The following CA8 variants were observed in gnomAD, a reference collection of about 807,000 sequenced individuals.
CA8 encodes the protein carbonic anhydrase-related protein.
A neutral mutation model predicts 41.4 loss-of-function variants in CA8; 22 were observed. That is an observed-to-expected ratio of 0.53 (90% CI 0.38 to 0.76). The LOEUF (loss-of-function observed/expected upper bound fraction) is 0.76. CA8 is among the 30% of genes least tolerant of loss of function. CA8 has a pLI of 0.00. For missense variants in CA8, 270 were observed against 352.8 expected (o/e 0.77, Z 1.88); for synonymous variants, 121 against 130.6 (o/e 0.93, Z 0.50).
chr8:60,198,597 G>A (rs556395666), intron 8 of CA8, among the ~76,000 whole-genome samples: 1 of 152,178 alleles, frequency 6.6e-6, no homozygotes, highest in South Asian at 2.1e-4. Flanking sequence ...CTGGTGTGTT[G>A]TAAGGGTGAT....
At chr8:60,198,150 G>T (rs1240624057) in intron 8 of CA8, among the ~76,000 whole-genome samples, 2 of 152,116 alleles carry the variant, frequency 1.3e-5, no homozygotes, top group Non-Finnish European at 2.9e-5. Flanking sequence ...TGGGAGTGGG[G>T]CCCACTTAGG....
rs1434430844 is a variant in CA8, at chr8:60,281,192, C to T, written c.-45G>A. On this transcript the variant is annotated 5_prime_UTR_variant, in exon 1 of 9. Transcript: ENST00000317995. ...TCGGCGCTCTCGGCAGCAGTGCCTG[C>T]GCCTTCGCTGGGCGCGGGGCTGGAG... The T allele has an allele frequency of 1.1e-5, 15 of 1,391,036 alleles. No homozygotes were observed. The highest frequency in any genetic ancestry group is 1.4e-5 in the Non-Finnish European group (14 of 1,009,912). 86.2% of individuals were successfully genotyped at this position (1,391,036 alleles called of 1,614,324 possible).
At chr8:60,214,858 G>GA (rs756079565) in intron 7 of CA8, among the ~76,000 whole-genome samples, 1 of 152,136 alleles carries the variant, frequency 6.6e-6, no homozygotes, top group Non-Finnish European at 1.5e-5. Flanking sequence ...TCCACAGGGT[G>GA]AAAAAACAAC....
Position 60,275,486 on chromosome 8 carries a change from T to A in CA8, c.292+4203A>T, listed in dbSNP as rs188132970. ...TTTTTTTAAAAAAAAAGGTTTTTAA[T>A]TGCAGCGTAAGTTCAATGTTTTAGA... On this transcript the variant is annotated intron_variant, in intron 2 of 8. Transcript: ENST00000317995. Among the ~76,000 whole-genome samples, 110 of 151,664 alleles carry A rather than the reference T, an allele frequency of 7.3e-4. 1 individual carries two copies. The highest frequency in any genetic ancestry group is 3.4e-3 in the Middle Eastern group (1 of 294).
At chr8:60,191,975 T>C (rs920903600) in intron 8 of CA8, among the ~76,000 whole-genome samples, 1 of 151,898 alleles carries the variant, frequency 6.6e-6, no homozygotes, top group African/African-American at 2.4e-5. Context: ...TGAATTCTAA[T>C]TTACCTACGT....
intron 8 of CA8, among the ~76,000 whole-genome samples, chr8:60,207,209 C>T (rs781304828): frequency 8.5e-5 from 13 of 152,240 alleles, no homozygotes; most frequent in Non-Finnish European, 1.5e-4. Context: ...TGCTCAATCA[C>T]TGTATTACTT....
chr8:60,278,403 T>C (rs1804308177), intron 2 of CA8, among the ~76,000 whole-genome samples: 2 of 152,252 alleles, frequency 1.3e-5, no homozygotes, highest in South Asian at 4.1e-4. Flanking sequence ...TATTTTTGTT[T>C]TGTGGATATA....
chr8:60,193,894 T>G lies in CA8; in HGVS notation c.*36-3909A>C, dbSNP rs529873230. On this transcript the variant is annotated intron_variant, in intron 8 of 8. Transcript: ENST00000317995. ...CCTGATTCCTCTCCTCCACTTTCTG[T>G]GTTCTCTCTCTAGCTTATTACGTGG... Among the ~76,000 whole-genome samples, 13 of 152,304 alleles carry G rather than the reference T, an allele frequency of 8.5e-5. 1 individual carries two copies. The East Asian group carries it at 2.1e-3, about 25-fold the overall frequency.
chr8:60,218,722 C>T (rs1351347564), intron 7 of CA8, among the ~76,000 whole-genome samples: 1 of 151,990 alleles, frequency 6.6e-6, no homozygotes, highest in Non-Finnish European at 1.5e-5. Context: ...GCAACAACAA[C>T]AAAAAAATGT....
At chr8:60,238,984 G>A (rs1807927512) in intron 3 of CA8, among the ~76,000 whole-genome samples, 1 of 152,194 alleles carries the variant, frequency 6.6e-6, no homozygotes, top group East Asian at 1.9e-4. Context: ...AGTGGGAAGG[G>A]AGAAAGAGAC....
intron 2 of CA8, among the ~76,000 whole-genome samples, chr8:60,277,770 A>AG (rs1171066797): frequency 5.3e-5 from 8 of 152,212 alleles, no homozygotes; most frequent in Non-Finnish European, 8.8e-5. Flanking sequence ...TAAATATCCT[A>AG]GGGGAAAAAA....
chr8:60,202,549 T>C (rs1337253969), intron 8 of CA8, among the ~76,000 whole-genome samples: 1 of 152,194 alleles, frequency 6.6e-6, no homozygotes, highest in Non-Finnish European at 1.5e-5. Context: ...AACTCAAGTA[T>C]AAAATTTAAA....
chr8:60,226,556 AG>A (rs1320636810), intron 5 of CA8, among the ~76,000 whole-genome samples: 1 of 152,196 alleles, frequency 6.6e-6, no homozygotes, highest in Non-Finnish European at 1.5e-5. Context: ...CACTAAGGCT[AG>A]AGTGAGCTTC....
chr8:60,202,016 T>C (rs1806446515), intron 8 of CA8, among the ~76,000 whole-genome samples: 1 of 152,024 alleles, frequency 6.6e-6, no homozygotes, highest in African/African-American at 2.4e-5. Context: ...TTTATGTACT[T>C]TGGGAAGACA....
At chr8:60,213,034 CAGAG>C (rs1806891715) in intron 7 of CA8, among the ~76,000 whole-genome samples, 1 of 152,172 alleles carries the variant, frequency 6.6e-6, no homozygotes, top group South Asian at 2.1e-4. Context: ...CAGATATAGA[CAGAG>C]AGGACTCTCC....
intron 3 of CA8, among the ~76,000 whole-genome samples, chr8:60,247,252 T>C (rs998875646): frequency 2.6e-5 from 4 of 152,198 alleles, no homozygotes; most frequent in Non-Finnish European, 4.4e-5. Flanking sequence ...GGGATACATA[T>C]GCAGAATGTG....
intron 8 of CA8, among the ~76,000 whole-genome samples, chr8:60,200,665 A>G (rs1217202147): frequency 2.0e-5 from 3 of 152,188 alleles, no homozygotes; most frequent in Non-Finnish European, 1.5e-5. Flanking sequence ...AAGACTTCAT[A>G]TAAATAGCTC....
At chr8:60,276,399 C>CG (rs1563387281) in intron 2 of CA8, among the ~76,000 whole-genome samples, 2 of 152,000 alleles carry the variant, frequency 1.3e-5, no homozygotes, top group East Asian at 3.9e-4. Context: ...CTGATGCACG[C>CG]TAATGTCCTA....
At chr8:60,200,183 T>G (rs950186463) in intron 8 of CA8, among the ~76,000 whole-genome samples, 1 of 152,196 alleles carries the variant, frequency 6.6e-6, no homozygotes, top group Non-Finnish European at 1.5e-5. Context: ...AAACAAGAAG[T>G]GGGGCCTCAC....
Sources: allele counts gnomAD v4.1 joint callset (sites outside exome capture counted in the v4.1 genomes callset), GRCh38; gene constraint gnomAD v4.1.1; transcripts MANE v1.5; gene names NCBI Gene and HGNC (gene_info 2026-07-23, HGNC 2026-07-21).